Variants in PDZRN4 observed in about 807,000 individuals in gnomAD.
PDZRN4 encodes the protein PDZ domain containing ring finger 4.
Under a neutral mutation model 99.0 loss-of-function variants are expected in PDZRN4, and 70 were observed. The ratio of observed to expected loss-of-function variants is 0.71; its 90% confidence interval spans 0.58 to 0.86. The LOEUF (loss-of-function observed/expected upper bound fraction) is 0.86. PDZRN4 is among the 40% of genes least tolerant of loss of function. The pLI, the probability that PDZRN4 is intolerant of heterozygous loss-of-function variation, is 0.00. For missense variants in PDZRN4, 1,474 were observed against 1,331.2 expected, an observed-to-expected ratio of 1.11 and a Z score of -1.67; for synonymous variants, 551 against 501.6, an observed-to-expected ratio of 1.10 and a Z score of -1.32.
intron 3 of PDZRN4, among the ~76,000 whole-genome samples, chr12:41,447,382 G>A (rs926791508): frequency 2.0e-5 from 3 of 152,094 alleles, no homozygotes; most frequent in South Asian, 4.1e-4. Flanking sequence ...ACTGTCTTTG[G>A]TGATTGCACA....
intron 8 of PDZRN4, among the ~76,000 whole-genome samples, chr12:41,566,008 G>C (rs1939364715): frequency 6.6e-6 from 1 of 152,164 alleles, no homozygotes; most frequent in Non-Finnish European, 1.5e-5. Flanking sequence ...CATCTAGGTA[G>C]AAAGGGGGAA....
At chr12:41,376,820 T>C (rs1021379674) in intron 3 of PDZRN4, among the ~76,000 whole-genome samples, 2 of 152,170 alleles carry the variant, frequency 1.3e-5, no homozygotes, top group African/African-American at 4.8e-5. Context: ...TGTCAAGGAG[T>C]TTTTCCCCTG....
At position 41,295,572 on chromosome 12, in the gene PDZRN4, C is replaced by G. The variant is rs146721753; in HGVS notation, c.843+101384C>G. 5.3e-3 allele frequency among the ~76,000 whole-genome samples: 803 copies of G among 152,096 alleles called. 6 individuals carry two copies. Among genetic ancestry groups the G allele is most frequent in the Non-Finnish European group, 8.6e-3 (584 of 67,974 alleles). On this transcript the variant is annotated intron_variant, in intron 3 of 9. Transcript: ENST00000402685. ...CAAAAACTCCATAAGAAAATAATGG[C>G]CTAAATATGAGAGGGATCTTCAAAA...
intron 3 of PDZRN4, among the ~76,000 whole-genome samples, chr12:41,339,684 A>G (rs1565556203): frequency 6.6e-6 from 1 of 152,070 alleles, no homozygotes; most frequent in Non-Finnish European, 1.5e-5. Flanking sequence ...CTGACAAGGA[A>G]TTAATAGGCA....
Position 41,455,590 on chromosome 12 carries a change from A to T in PDZRN4, c.844-50866A>T, listed in dbSNP as rs148911308. 1.5e-4 allele frequency among the ~76,000 whole-genome samples: 23 copies of T among 152,342 alleles called. 1 individual carries two copies. In the East Asian group the frequency reaches 4.4e-3, roughly 29 times the overall value. On this transcript the variant is annotated intron_variant, in intron 3 of 9. Coordinates refer to ENST00000402685, the MANE Select transcript of PDZRN4 (RefSeq NM_001164595.2). Reference sequence around the variant, plus strand: ...ATATTAATAACAGTTTAATTGCAGTAGCATCTTGTACTGAACCTTCTTTCA... The same window carrying T: ...ATATTAATAACAGTTTAATTGCAGTTGCATCTTGTACTGAACCTTCTTTCA...
At chr12:41,312,464 C>T (rs1951613597) in intron 3 of PDZRN4, among the ~76,000 whole-genome samples, 1 of 152,116 alleles carries the variant, frequency 6.6e-6, no homozygotes, top group African/African-American at 2.4e-5. Flanking sequence ...GTGTGGCCTT[C>T]TGTATTAGTC....
intron 3 of PDZRN4, among the ~76,000 whole-genome samples, chr12:41,279,162 A>G (rs1329576672): frequency 6.6e-6 from 1 of 152,242 alleles, no homozygotes; most frequent in African/African-American, 2.4e-5. Flanking sequence ...ACATTTGAGA[A>G]TCAATGCTCT....
At chr12:41,351,175 C>T (rs1592023554) in intron 3 of PDZRN4, among the ~76,000 whole-genome samples, 1 of 152,140 alleles carries the variant, frequency 6.6e-6, no homozygotes, top group South Asian at 2.1e-4. Flanking sequence ...AGAGTCATTA[C>T]CTTCTAGGTG....
intron 3 of PDZRN4, among the ~76,000 whole-genome samples, chr12:41,322,725 T>C (rs970349632): frequency 6.6e-6 from 1 of 151,984 alleles, no homozygotes; most frequent in Non-Finnish European, 1.5e-5. Context: ...CTCGATATCC[T>C]GACCTCGTGA....
At chr12:41,229,640 C>A (rs1951016230) in intron 3 of PDZRN4, among the ~76,000 whole-genome samples, 1 of 152,078 alleles carries the variant, frequency 6.6e-6, no homozygotes, top group African/African-American at 2.4e-5. Context: ...TTTAAAAGAA[C>A]TCCATGACCT....
chr12:41,475,047 T>C (rs1262521499), intron 3 of PDZRN4, among the ~76,000 whole-genome samples: 3 of 152,170 alleles, frequency 2.0e-5, no homozygotes, highest in African/African-American at 7.2e-5. Context: ...GTACTTATAT[T>C]CAATAGTGTG....
At chr12:41,490,840 C>G (rs1177717504) in intron 3 of PDZRN4, among the ~76,000 whole-genome samples, 1 of 152,110 alleles carries the variant, frequency 6.6e-6, no homozygotes, top group Non-Finnish European at 1.5e-5. Context: ...TCAAGAAATT[C>G]CCATCTTCTA....
intron 3 of PDZRN4, among the ~76,000 whole-genome samples, chr12:41,374,078 C>T (rs1952062597): frequency 1.3e-5 from 2 of 152,128 alleles, no homozygotes; most frequent in Admixed American, 6.6e-5. Flanking sequence ...ACAAGGGAGA[C>T]AGCGCTGGAG....
intron 3 of PDZRN4, among the ~76,000 whole-genome samples, chr12:41,318,992 G>A (rs1237749127): frequency 1.3e-5 from 2 of 152,060 alleles, no homozygotes; most frequent in Admixed American, 6.6e-5. Context: ...TTCATGCCAG[G>A]ACCTACTTTA....
chr12:41,292,695 A>C (rs1365853263), intron 3 of PDZRN4, among the ~76,000 whole-genome samples: 2 of 152,030 alleles, frequency 1.3e-5, no homozygotes, highest in Admixed American at 6.6e-5. Context: ...TGACATTCTA[A>C]GTATGCTGAA....
intron 3 of PDZRN4, among the ~76,000 whole-genome samples, chr12:41,262,573 A>C (rs559214737): frequency 6.6e-6 from 1 of 152,362 alleles, no homozygotes; most frequent in African/African-American, 2.4e-5. Flanking sequence ...TAAAAGATAC[A>C]AAGATACAAC....
intron 7 of PDZRN4, among the ~76,000 whole-genome samples, chr12:41,563,048 C>G (rs182770741): frequency 6.6e-6 from 1 of 152,150 alleles, no homozygotes; most frequent in Non-Finnish European, 1.5e-5. Context: ...CAGACCCACA[C>G]GCAAATATGA....
chr12:41,556,250 C>T (rs980049989), intron 7 of PDZRN4, among the ~76,000 whole-genome samples: 31 of 152,200 alleles, frequency 2.0e-4, no homozygotes, highest in African/African-American at 6.8e-4. Flanking sequence ...TGTTCCTTTG[C>T]TATATGAAAG....
rs1338890124 is a variant in PDZRN4 at position 41,188,777 on chromosome 12, C to T, written c.322C>T (p.Pro108Ser). ...EAHVEHCDFG[P>S]ARRLRSRGGC... ...GCACGTCGAGCACTGCGACTTCGGCCCTGCCCGCCGGCTCCGCAGCCGCGG... is the reference window on the plus strand; with the variant it reads ...GCACGTCGAGCACTGCGACTTCGGCTCTGCCCGCCGGCTCCGCAGCCGCGG... Residue 108 changes from proline to serine, a missense_variant, in exon 1 of 10, where the codon CCT becomes TCT. Transcript: ENST00000402685. 2 of 1,393,624 alleles carry T rather than the reference C, an allele frequency of 1.4e-6. No homozygotes were observed. Among genetic ancestry groups the T allele is most frequent in the Non-Finnish European group, 1.8e-6 (2 of 1,081,746 alleles). 86.3% of individuals were successfully genotyped at this position (1,393,624 alleles called of 1,614,324 possible). A position where few individuals can be genotyped will look rare whatever the true frequency, so the allele number is the denominator to read the frequency against.
Sources: allele counts gnomAD v4.1 joint callset (sites outside exome capture counted in the v4.1 genomes callset), GRCh38; gene constraint gnomAD v4.1.1; transcripts MANE v1.5; gene names NCBI Gene and HGNC (gene_info 2026-07-23, HGNC 2026-07-21).